The following CYP4F12 variants were observed in gnomAD, a reference collection of about 807,000 sequenced individuals.
The protein encoded by CYP4F12 is cytochrome P450 family 4 subfamily F member 12.
A neutral mutation model predicts 56.5 loss-of-function variants in CYP4F12; 60 were observed. The ratio of observed to expected loss-of-function variants is 1.06; its 90% confidence interval spans 0.86 to 1.32. CYP4F12 has a LOEUF of 1.32. Ranked by LOEUF, CYP4F12 falls within the 40% of genes most tolerant of loss-of-function variation. The pLI, the probability that CYP4F12 is intolerant of heterozygous loss-of-function variation, is 0.00. For missense variants in CYP4F12, 711 were observed against 683.5 expected (o/e 1.04, Z -0.45); for synonymous variants, 263 against 264.9 (o/e 0.99, Z 0.07).
Position 15,696,451 on chromosome 19 carries a change from G to T in CYP4F12, c.1336G>T (p.Asp446Tyr). The change falls in exon 12 of 13, where the codon GAC becomes TAC. Residue 446 changes from aspartate (D) to tyrosine (Y), a missense_variant. By Grantham distance (160) the Asp-to-Tyr change is radical. Coordinates refer to ENST00000550308, the MANE Select transcript of CYP4F12 (RefSeq NM_023944.4). Reference sequence around the variant, plus strand: ...GCAGGTCTACGACCCCTTCCGCTTTGACCCAGAGAACAGCAAGGGGAGGTC... The same window carrying T: ...GCAGGTCTACGACCCCTTCCGCTTTTACCCAGAGAACAGCAAGGGGAGGTC... ...DPEVYDPFRF[D>Y]PENSKGRSPL... The T allele has an allele frequency of 6.2e-7, 1 of 1,614,134 alleles. No homozygotes were observed. The highest frequency in any genetic ancestry group is 1.1e-5 in the South Asian group (1 of 91,078).
At chr19:15,694,400 T>C (rs1157881679) in intron 9 of CYP4F12, among the ~76,000 whole-genome samples, 2 of 152,208 alleles carry the variant, frequency 1.3e-5, no homozygotes, top group Non-Finnish European at 2.9e-5. Context: ...GAAGAGGTCC[T>C]TCACGTCCCT....
chr19:15,695,509 A>AAACC (rs1555754100), intron 9 of CYP4F12, among the ~76,000 whole-genome samples: 149 of 150,400 alleles, frequency 9.9e-4, no homozygotes, highest in African/African-American at 3.5e-3. Context: ...ATAATAAAAA[A>AAACC]AAAAAAACAA....
chr19:15,692,538 A>T (rs1193215334), intron 9 of CYP4F12, among the ~76,000 whole-genome samples: 2 of 152,134 alleles, frequency 1.3e-5, no homozygotes, highest in Non-Finnish European at 2.9e-5. Flanking sequence ...CAAGAGAAAA[A>T]ATATAGATAA....
chr19:15,675,033 C>G (rs2006849286), intron 2 of CYP4F12, among the ~76,000 whole-genome samples: 1 of 152,248 alleles, frequency 6.6e-6, no homozygotes, highest in Admixed American at 6.5e-5. Context: ...CTTCCTTCCC[C>G]ACGGAGGGAC....
chr19:15,682,465 A>G lies in CYP4F12; in HGVS notation c.602A>G (p.Asp201Gly), dbSNP rs778974899. 5.6e-6 allele frequency: 9 copies of G among 1,613,956 alleles called. No individual in the cohort carries two copies. The highest frequency in any genetic ancestry group is 7.6e-6 in the Non-Finnish European group (9 of 1,179,836). ...GAGCACATCAGCCTCATGACCTTGG[A>G]CAGTCTACAGAAATGCATCTTCAGC... ...MFEHISLMTL[D>G]SLQKCIFSFD... Residue 201 changes from aspartate to glycine, a missense_variant, in exon 6 of 13, where the codon GAC (aspartate) becomes GGC (glycine). Physicochemically the swap from Asp to Gly is moderately conservative, Grantham distance 94. Transcript: ENST00000550308.
intron 3 of CYP4F12, among the ~76,000 whole-genome samples, chr19:15,679,441 C>T (rs10426695): frequency 1.3e-5 from 2 of 152,134 alleles, no homozygotes; most frequent in Non-Finnish European, 2.9e-5. Context: ...AGTTCTTGTC[C>T]GAAAGCTCAC....
At chr19:15,687,837 G>A (rs1190005796) in intron 9 of CYP4F12, among the ~76,000 whole-genome samples, 1 of 152,220 alleles carries the variant, frequency 6.6e-6, no homozygotes. Flanking sequence ...AGCATGGACT[G>A]AGGGAAGCCA....
chr19:15,683,625 C>A lies in CYP4F12; in HGVS notation c.780C>A (p.Cys260Ter). 2.5e-6 allele frequency: 4 copies of A among 1,614,112 alleles called. No individual in the cohort carries two copies. In the African/African-American group the frequency reaches 4.0e-5, roughly 16 times the overall value. ...ACGGGCGGCGCTTCCACAGGGCCTG[C>A]CGCCTGGTGCATGACTTCACAGACG... ...SHDGRRFHRA[C>*]RLVHDFTDAV... Residue 260 changes from cysteine (C) to a stop codon, truncating the protein, a stop_gained, in exon 7 of 13, where the codon TGC becomes TGA. Transcript: ENST00000550308. LOFTEE classifies it high-confidence loss of function.
chr19:15,688,014 G>C (rs1319178900), intron 9 of CYP4F12, among the ~76,000 whole-genome samples: 2 of 152,212 alleles, frequency 1.3e-5, no homozygotes, highest in Non-Finnish European at 2.9e-5. Flanking sequence ...CTGCAGACAG[G>C]AGTTCAGAAG....
intron 2 of CYP4F12, among the ~76,000 whole-genome samples, chr19:15,676,046 G>A (rs2006903606): frequency 6.6e-6 from 1 of 152,278 alleles, no homozygotes; most frequent in African/African-American, 2.4e-5. Context: ...AAAGGCCTGA[G>A]TCCCTGGAGT....
rs768164881 is a variant in CYP4F12 at position 15,696,413 on chromosome 19, CT to C, written c.1315-14del. 3.7e-6 allele frequency: 6 copies of C among 1,614,060 alleles called. No homozygotes were observed. The South Asian group carries it at 6.6e-5, about 18-fold the overall frequency. ...ATAGGAAATCCCACTGGCAAACCTT[CT>C]TTGTCTCACCTGCAGGTCTACGACC... On this transcript the variant is annotated splice_polypyrimidine_tract_variant and intron_variant, in intron 11 of 12. Coordinates refer to ENST00000550308, the MANE Select transcript of CYP4F12 (RefSeq NM_023944.4).
Position 15,697,005 on chromosome 19 carries a change from C to T in CYP4F12, c.1495C>T (p.Arg499Cys), listed in dbSNP as rs756075447. The change falls in exon 13 of 13, where the codon CGC becomes TGC. Residue 499 changes from arginine (R) to cysteine (C), a missense_variant. Physicochemically the swap from Arg to Cys is radical, Grantham distance 180. Transcript: ENST00000550308. ...GTTCCTGCCAGACCACACTGAGCCC[C>T]GCAGGAAGCTGGAATTGATCATGCG... Reference protein sequence around the residue: ...FRFLPDHTEPRRKLELIMRAE... With the variant: ...FRFLPDHTEPCRKLELIMRAE... 5 of 1,614,102 alleles carry T rather than the reference C, an allele frequency of 3.1e-6. No homozygotes were observed. The highest frequency in any genetic ancestry group is 1.3e-5 in the African/African-American group (1 of 74,950).
chr19:15,690,305 A>G (rs987070087), intron 9 of CYP4F12, among the ~76,000 whole-genome samples: 3 of 152,206 alleles, frequency 2.0e-5, no homozygotes, highest in African/African-American at 7.2e-5. Context: ...TAATAAACAT[A>G]CCCGTCATCT....
chr19:15,678,452 T>C, intron 3 of CYP4F12, 47 bp downstream of exon 3: 2 of 1,611,448 alleles, frequency 1.2e-6, no homozygotes, highest in Non-Finnish European at 8.5e-7. Context: ...CAAGCTTCTG[T>C]GTGGTCTCTG....
intron 9 of CYP4F12, among the ~76,000 whole-genome samples, chr19:15,690,960 T>A (rs2007842424): frequency 6.6e-6 from 1 of 152,242 alleles, no homozygotes; most frequent in Non-Finnish European, 1.5e-5. Context: ...GGTATTTACA[T>A]ATATGGACAT....
rs1404666872 is a variant in CYP4F12 at position 15,696,217 on chromosome 19, GA to G, written c.1307del (p.Asp436ValfsTer43). The G allele has an allele frequency of 1.9e-6, 3 of 1,614,082 alleles. No homozygotes were observed. In the African/African-American group the frequency reaches 4.0e-5, roughly 22 times the overall value. On this transcript the variant is annotated frameshift_variant, in exon 11 of 13. Transcript: ENST00000550308. LOFTEE classifies it high-confidence loss of function. Reference sequence around the variant, plus strand: ...CCATCACAACCCAACTGTGTGGCCGGATCCTGAGGTGCTGCCTTCCCCATTC... The same window carrying G: ...CCATCACAACCCAACTGTGTGGCCGGTCCTGAGGTGCTGCCTTCCCCATTC... ...GVHHNPTVWPDPEVYDPFRFD... is the reference protein window; with the variant it reads ...GVHHNPTVWPXPEVYDPFRFD...
chr19:15,684,995 T>C, intron 8 of CYP4F12, 73 bp from the exon 9 acceptor site: 1 of 1,583,782 alleles, frequency 6.3e-7, no homozygotes, highest in East Asian at 2.2e-5. Context: ...CCCTCCATCC[T>C]CCTGAGGGCC....
At chr19:15,690,872 C>G (rs981346678) in intron 9 of CYP4F12, among the ~76,000 whole-genome samples, 2 of 152,174 alleles carry the variant, frequency 1.3e-5, no homozygotes, top group Admixed American at 1.3e-4. Context: ...TGTCATCTAT[C>G]TGTCTGTCTG....
chr19:15,680,171 G>A, intron 3 of CYP4F12, 73 bp from the exon 4 acceptor site: 1 of 1,526,612 alleles, frequency 6.6e-7, no homozygotes, highest in Non-Finnish European at 8.8e-7. Flanking sequence ...AGTGCTGGTA[G>A]GCAGCCTTGC....
Sources: gnomAD v4.1 joint callset for allele counts (sites outside exome capture counted in the v4.1 genomes callset) on GRCh38, gnomAD v4.1.1 for gene constraint, MANE v1.5 for transcripts, NCBI Gene and HGNC (gene_info 2026-07-23, HGNC 2026-07-21) for gene names.